Variants in REC8 observed in about 807,000 individuals in gnomAD.
The protein encoded by REC8 is REC8 meiotic recombination protein.
REC8 carries 42 observed loss-of-function variants against 78.3 expected under a neutral mutation model. That is an observed-to-expected ratio of 0.54 (90% confidence interval 0.42 to 0.69). The LOEUF (loss-of-function observed/expected upper bound fraction) is 0.69. Ranked by LOEUF, REC8 falls within the 30% of genes least tolerant of loss-of-function variation. The pLI is 0.00. For synonymous variants in REC8, 268 were observed against 274.1 expected (o/e 0.98, Z 0.22); for missense variants, 581 against 715.8 (o/e 0.81, Z 2.15).
Position 24,179,918 on chromosome 14 carries a change from CAT to C in REC8, c.1558+13_1558+14del, listed in dbSNP as rs1491344368. ...CTACCTGCTCCTGGGTGAGTGTATG[CAT>C]GTGTGTGTGTGTATGTGGGGCAGGG... On this transcript the variant is annotated intron_variant, in intron 18 of 18. Transcript: ENST00000611366. 5.6e-6 allele frequency: 9 copies of C among 1,613,756 alleles called. No homozygotes were observed. Among genetic ancestry groups the C allele is most frequent in the African/African-American group, 2.7e-5 (2 of 74,904 alleles).
chr14:24,180,327 C>A, downstream of REC8: 1 of 1,505,120 alleles, frequency 6.6e-7, no homozygotes, highest in Non-Finnish European at 8.9e-7. Flanking sequence ...GTGGGGCTGG[C>A]TCCAAATGGG....
chr14:24,180,561 C>G (rs566385618), downstream of REC8: 2,057 of 1,613,988 alleles, frequency 1.3e-3, 50 homozygotes, highest in South Asian at 0.021. Flanking sequence ...AGCAACAGTG[C>G]GGCCTTGGTG....
intron 15 of REC8, 118 bp downstream of exon 15, chr14:24,179,251 A>G: frequency 8.4e-7 from 1 of 1,193,750 alleles, no homozygotes; most frequent in Non-Finnish European, 1.2e-6. Flanking sequence ...GACATAAGGA[A>G]GCACGGACTG....
At chr14:24,179,520 AACAG>A in intron 16 of REC8, 57 bp downstream of exon 16, 1 of 1,613,754 alleles carries the variant, frequency 6.2e-7, no homozygotes, top group South Asian at 1.1e-5. Flanking sequence ...AGGTGGTGGA[AACAG>A]CTGCTGGGAT....
Position 24,179,377 on chromosome 14 carries a change from C to T in REC8, c.1253-20C>T, listed in dbSNP as rs756653339. 5.6e-6 allele frequency: 9 copies of T among 1,613,504 alleles called. No homozygotes were observed. The highest frequency in any genetic ancestry group is 7.6e-6 in the Non-Finnish European group (9 of 1,179,784). On this transcript the variant is annotated intron_variant, in intron 15 of 18. Coordinates refer to ENST00000611366, the MANE Select transcript of REC8 (RefSeq NM_001048205.2). ...TGCCACCCAAGCAGACACCCACTAG[C>T]GCCTTTCCTCCCCCAACAGAGATCT...
chr14:24,176,989 T>C, intron 7 of REC8, 88 bp downstream of exon 7: 2 of 1,369,818 alleles, frequency 1.5e-6, no homozygotes, highest in Non-Finnish European at 2.1e-6. Flanking sequence ...TCTGTCTCCA[T>C]TTCCCTATTC....
In REC8 at chr14:24,172,502, C is replaced by G; in HGVS notation, c.-51C>G. 6.4e-7 allele frequency: 1 copy of G among 1,569,120 alleles called. No individual in the cohort carries two copies. The highest frequency in any genetic ancestry group is 1.1e-5 in the South Asian group (1 of 87,264). ...TTCTGTGCCCTAAAGAATTCCGACT[C>G]AGATCCGAACGGGGATCTGGTGGAA... On this transcript the variant is annotated 5_prime_UTR_variant, in exon 1 of 19. Transcript: ENST00000611366.
chr14:24,174,068 C>T (rs2139124636), intron 5 of REC8, among the ~76,000 whole-genome samples: 1 of 152,006 alleles, frequency 6.6e-6, no homozygotes, highest in Non-Finnish European at 1.5e-5. Context: ...TTTCACCATG[C>T]TGGCCAGGCT....
At chr14:24,177,911 A>G (rs1489152019) in intron 11 of REC8, 153 bp downstream of exon 11, 5 of 1,484,682 alleles carry the variant, frequency 3.4e-6, no homozygotes, top group Middle Eastern at 2.4e-4. Flanking sequence ...TATCTGGCCT[A>G]CGCTTCCCAG....
intron 15 of REC8, 33 bp from the exon 16 acceptor site, chr14:24,179,364 A>G: frequency 6.2e-7 from 1 of 1,611,990 alleles, no homozygotes; most frequent in Non-Finnish European, 8.5e-7. Flanking sequence ...CCACCCAAGC[A>G]GACACCCACT....
chr14:24,172,815 CG>C (rs770707012), intron 2 of REC8, 34 bp downstream of exon 2: 12 of 1,613,908 alleles, frequency 7.4e-6, no homozygotes, highest in Non-Finnish European at 1.0e-5. Flanking sequence ...GGGCCTGGTG[CG>C]GGGGGTGAGT....
chr14:24,172,852 G>A (rs574388918), intron 2 of REC8, 47 bp from the exon 3 acceptor site: 3 of 1,613,486 alleles, frequency 1.9e-6, no homozygotes, highest in Admixed American at 1.7e-5. Flanking sequence ...CCAAGACTGT[G>A]GGCCCACTCC....
In REC8 at chr14:24,175,551, C is replaced by G. The variant is rs774529509; in HGVS notation, c.471C>G (p.His157Gln). The change falls in exon 6 of 19, where the codon CAC becomes CAG. Residue 157 changes from histidine to glutamine, a missense_variant. His to Gln is a conservative substitution (Grantham distance 24). Transcript: ENST00000611366. ...PSPFDIPQIR[H>Q]LLEAAIPERV... ...CCAATCCCTCTCCAAAGATTCGACA[C>G]CTCTTAGAGGCTGCAATCCCAGAGA... The G allele has an allele frequency of 6.8e-6, 11 of 1,613,742 alleles. No individual in the cohort carries two copies. In the Admixed American group the frequency reaches 1.8e-4, roughly 27 times the overall value.
Position 24,177,805 on chromosome 14 carries a change from C to A in REC8, c.864+47C>A, listed in dbSNP as rs544655241. On this transcript the variant is annotated intron_variant, in intron 11 of 18. Coordinates refer to ENST00000611366, the MANE Select transcript of REC8 (RefSeq NM_001048205.2). ...CCTCCTCCTCCTCCTCTTTGCCCTC[C>A]CCCACAAGGACTGCCTCCCCAAGCC... is the stretch of plus-strand genomic sequence containing the variant. The A allele has an allele frequency of 1.9e-5, 29 of 1,518,392 alleles. 1 individual carries two copies. In the Admixed American group the frequency reaches 2.7e-4, roughly 14 times the overall value. 94.1% of individuals were successfully genotyped at this position (1,518,392 alleles called of 1,614,324 possible).
Position 24,174,979 on chromosome 14 carries a change from G to T in REC8, c.463-564G>T, listed in dbSNP as rs2038824950. ...TCTGTCAACCACAACACTTGCCAAG[G>T]ATAACGATGCACTGCTGCTTGCACA... On this transcript the variant is annotated intron_variant, in intron 5 of 18. Coordinates refer to ENST00000611366, the MANE Select transcript of REC8 (RefSeq NM_001048205.2). Among the ~76,000 whole-genome samples the T allele has an allele frequency of 3.3e-5, 5 of 150,992 alleles. No individual in the cohort carries two copies. In the South Asian group the frequency reaches 1.0e-3, roughly 32 times the overall value.
intron 12 of REC8, 34 bp downstream of exon 12, chr14:24,178,256 G>T (rs112378999): frequency 1.5e-5 from 24 of 1,585,906 alleles, no homozygotes; most frequent in African/African-American, 1.3e-4. Flanking sequence ...GGGGAAGGGA[G>T]GGAGGCAGGG....
Position 24,172,384 on chromosome 14 carries a change from A to G in REC8, c.-169A>G, listed in dbSNP as rs2038706048. ...TATCCTGGTAATTGTGTATCTGCCC[A>G]TTGTTCGTTGCCTCATTAACTTGGC... On this transcript the variant is annotated 5_prime_UTR_variant, in exon 1 of 19. Transcript: ENST00000611366. The G allele has an allele frequency of 1.6e-6, 1 of 629,418 alleles. No individual in the cohort carries two copies. The highest frequency in any genetic ancestry group is 2.0e-5 in the South Asian group (1 of 50,084). 39.0% of individuals were successfully genotyped at this position (629,418 alleles called of 1,614,324 possible). A position where few individuals can be genotyped will look rare whatever the true frequency, so the allele number is the denominator to read the frequency against.
chr14:24,179,780 A>ATG lies in REC8; in HGVS notation c.1452-19_1452-18dup. On this transcript the variant is annotated intron_variant, in intron 17 of 18. Coordinates refer to ENST00000611366, the MANE Select transcript of REC8 (RefSeq NM_001048205.2). ...TGGACCCGGGCTGAAGCCTCTGCTAATGGTTCTTGATCCCTATAGGGCAGT... is the reference window on the plus strand; with the variant it reads ...TGGACCCGGGCTGAAGCCTCTGCTAATGTGGTTCTTGATCCCTATAGGGCAGT... 6.2e-7 allele frequency: 1 copy of ATG among 1,613,950 alleles called. No homozygotes were observed. Among genetic ancestry groups the ATG allele is most frequent in the East Asian group, 2.2e-5 (1 of 44,878 alleles).
At position 24,178,952 on chromosome 14, in the gene REC8, G is replaced by A. The variant is rs77584266; in HGVS notation, c.1203+36G>A. 13,459 of 1,609,610 alleles carry A rather than the reference G, an allele frequency of 8.4e-3. 278 individuals are homozygous for A. In the African/African-American group the frequency reaches 0.084, roughly 10 times the overall value. On this transcript the variant is annotated intron_variant, in intron 14 of 18. Coordinates refer to ENST00000611366, the MANE Select transcript of REC8 (RefSeq NM_001048205.2). ...CACCTGTTTACTGCATCGCCCCAGT[G>A]CCAGGGTCTGCCTGACCAGCTGGCT... is the stretch of plus-strand genomic sequence containing the variant.
Sources: gnomAD v4.1 joint callset for allele counts (sites outside exome capture counted in the v4.1 genomes callset) on GRCh38, gnomAD v4.1.1 for gene constraint, MANE v1.5 for transcripts, NCBI Gene and HGNC (gene_info 2026-07-23, HGNC 2026-07-21) for gene names.